Variants in WDR33 observed in about 807,000 individuals in gnomAD.
WDR33 encodes the protein pre-mRNA 3' end processing protein WDR33.
WDR33 carries 47 observed loss-of-function variants against 164.9 expected under a neutral mutation model. The ratio of observed to expected loss-of-function variants is 0.29; its 90% confidence interval spans 0.23 to 0.36. The LOEUF is 0.36. Ranked by LOEUF, WDR33 falls within the 10% of genes least tolerant of loss-of-function variation. The pLI, the probability that WDR33 is intolerant of heterozygous loss-of-function variation, is 1.00. For synonymous variants in WDR33, 505 were observed against 589.0 expected, an observed-to-expected ratio of 0.86 and a Z score of 2.06; for missense variants, 1,137 against 1,754.1, an observed-to-expected ratio of 0.65 and a Z score of 6.28.
Position 127,741,259 on chromosome 2 carries a change from T to C in WDR33, c.725-14482A>G, listed in dbSNP as rs1687006171. On this transcript the variant is annotated intron_variant, in intron 7 of 21. Transcript: ENST00000322313. This position sits in a 1 kb window ranked among gnomAD's most constrained non-coding sequence, Gnocchi z 4.1. ...TAAAGCAGCACAAAGTCTGCAGAAA[T>C]GCCACGGATGACACTGAAAATGGAA... Among the ~76,000 whole-genome samples, 1 of 151,790 alleles carries C rather than the reference T, an allele frequency of 6.6e-6. No homozygotes were observed. Among genetic ancestry groups the C allele is most frequent in the Non-Finnish European group, 1.5e-5 (1 of 68,004 alleles).
At chr2:127,737,442 T>C (rs963314549) in intron 7 of WDR33, 89 of 985,400 alleles carry the variant, frequency 9.0e-5, no homozygotes, top group Middle Eastern at 1.0e-3. Flanking sequence ...TATTCACAAT[T>C]CAGTAACAAT....
rs772365165 is a variant in WDR33, at chr2:127,764,542, C to T, written c.626+286G>A. ...CACAGTAGATAATAAAAAGGAATAA[C>T]GTATACACATTATTAATCATAAATG... On this transcript the variant is annotated intron_variant, in intron 6 of 21. Transcript: ENST00000322313. This position sits in a 1 kb window ranked among gnomAD's most constrained non-coding sequence, Gnocchi z 6.2. 9 of 1,543,572 alleles carry T rather than the reference C, an allele frequency of 5.8e-6. No homozygotes were observed. The highest frequency in any genetic ancestry group is 2.8e-5 in the African/African-American group (2 of 72,316).
chr2:127,745,889 G>A (rs895819640), intron 7 of WDR33, among the ~76,000 whole-genome samples: 28 of 152,056 alleles, frequency 1.8e-4, no homozygotes, highest in Non-Finnish European at 7.4e-5. Context: ...GCTGGGCATG[G>A]TGGCAAGCTC....
intron 7 of WDR33, among the ~76,000 whole-genome samples, chr2:127,727,946 G>A (rs1485739243): frequency 6.6e-6 from 1 of 152,206 alleles, no homozygotes; most frequent in African/African-American, 2.4e-5. Flanking sequence ...CCGTTCATAA[G>A]GGGAGACAAT....
chr2:127,750,740 GCATACATATATATGTATA>G (rs1158818703), intron 7 of WDR33, among the ~76,000 whole-genome samples: 6 of 38,962 alleles, frequency 1.5e-4, no homozygotes, highest in South Asian at 1.6e-3. Flanking sequence ...ATATATGTAT[GCATACATATATATGTATA>G]CATACATATA....
chr2:127,719,853 G>A lies in WDR33; in HGVS notation c.2172C>T (p.Gly724=). The A allele has an allele frequency of 6.2e-7, 1 of 1,613,402 alleles. No homozygotes were observed. ...QGHIGPQGPP[G]PQGHLGPQGP... is the part of the protein sequence containing the mutation. Reference sequence around the variant, plus strand: ...CCTGTGGGCCCAAGTGACCCTGAGGGCCAGGCGGGCCTTGGGGGCCTATGT... The same window carrying A: ...CCTGTGGGCCCAAGTGACCCTGAGGACCAGGCGGGCCTTGGGGGCCTATGT... Residue 724 remains glycine (G), a synonymous_variant, in exon 16 of 22, where the codon GGC becomes GGT. Coordinates refer to ENST00000322313, the MANE Select transcript of WDR33 (RefSeq NM_018383.5). This position sits in a 1 kb window ranked among gnomAD's most constrained non-coding sequence, Gnocchi z 6.5.
intron 3 of WDR33, 63 bp downstream of exon 3, chr2:127,768,870 G>T (rs1687904418): frequency 5.4e-6 from 7 of 1,295,194 alleles, no homozygotes; most frequent in Non-Finnish European, 6.6e-6. Flanking sequence ...GTCACACAGT[G>T]AAGGCTAAAA....
rs1686419032 is a variant in WDR33, at chr2:127,720,746, G to A, written c.1672-393C>T. Among the ~76,000 whole-genome samples, 1 of 152,236 alleles carries A rather than the reference G, an allele frequency of 6.6e-6. No homozygotes were observed. Among genetic ancestry groups the A allele is most frequent in the Non-Finnish European group, 1.5e-5 (1 of 68,018 alleles). ...CACCCAGCTAATTATTATTTGTAGA[G>A]ACAGGGTCTTGCTATATTGCCCAGG... On this transcript the variant is annotated intron_variant, in intron 15 of 21. Transcript: ENST00000322313. The surrounding 1 kb of genome is among the most constrained non-coding windows in gnomAD (Gnocchi z 5.9).
chr2:127,788,046 C>A (rs1338615734), intron 1 of WDR33, among the ~76,000 whole-genome samples: 1 of 81,830 alleles, frequency 1.2e-5, no homozygotes, highest in Non-Finnish European at 2.3e-5. Flanking sequence ...CCCTCCCGGA[C>A]GGGGCGGCTG....
rs528591015 is a variant in WDR33 at position 127,706,786 on chromosome 2, G to C, written c.3782-234C>G. Among the ~76,000 whole-genome samples the C allele has an allele frequency of 1.4e-3, 211 of 152,348 alleles. No homozygotes were observed. Among genetic ancestry groups the C allele is most frequent in the Admixed American group, 2.5e-3 (39 of 15,310 alleles). On this transcript the variant is annotated intron_variant, in intron 21 of 21. Coordinates refer to ENST00000322313, the MANE Select transcript of WDR33 (RefSeq NM_018383.5). The surrounding 1 kb of genome is among the most constrained non-coding windows in gnomAD (Gnocchi z 5.1). The stretch of plus-strand genomic sequence containing the variant: ...CATCAGCCAGATCCATGCCCCCAGG[G>C]CTGTGTGACAGACGACAGGAAGCCA...
rs1433098225 is a variant in WDR33 at position 127,764,453 on chromosome 2, G to C, written c.626+375C>G. 5 of 1,456,760 alleles carry C rather than the reference G, an allele frequency of 3.4e-6. No individual in the cohort carries two copies. Among genetic ancestry groups the C allele is most frequent in the Non-Finnish European group, 4.5e-6 (5 of 1,106,950 alleles). The allele number at this position is 1,456,760 out of a possible 1,614,324, so 90.2% of individuals were successfully genotyped here. A position where few individuals can be genotyped will look rare whatever the true frequency, so the allele number is the denominator to read the frequency against. ...CTGAAGTTGTTTTCTGTAGGCTTTA[G>C]ATTTTATTCAGTTGCATAATTAAAG... On this transcript the variant is annotated intron_variant, in intron 6 of 21. Transcript: ENST00000322313. This position sits in a 1 kb window ranked among gnomAD's most constrained non-coding sequence, Gnocchi z 6.2.
Position 127,768,379 on chromosome 2 carries a change from A to AT in WDR33, c.274-87dup, listed in dbSNP as rs578028149. The stretch of plus-strand genomic sequence containing the variant: ...AACACGGCAAGGTAATTATTTCAAC[A>AT]TTTAAAGACAAATTTGGGACCATAT... On this transcript the variant is annotated intron_variant, in intron 3 of 21. Transcript: ENST00000322313. The AT allele has an allele frequency of 1.4e-3, 1,051 of 726,516 alleles. 15 individuals carry two copies. The African/African-American group carries it at 0.017, about 12-fold the overall frequency. 45.0% of individuals were successfully genotyped at this position (726,516 alleles called of 1,614,324 possible).
intron 1 of WDR33, among the ~76,000 whole-genome samples, chr2:127,791,276 G>A (rs578040148): frequency 2.7e-5 from 4 of 148,856 alleles, no homozygotes; most frequent in East Asian, 4.0e-4. Context: ...CTCCCGCCTC[G>A]GCCTCCCAAA....
At chr2:127,768,847 T>C in intron 3 of WDR33, 86 bp downstream of exon 3, 16 of 922,706 alleles carry the variant, frequency 1.7e-5, no homozygotes, top group Non-Finnish European at 2.7e-5. Context: ...GAAAAGACCA[T>C]TTTGGACTTG....
In WDR33 at chr2:127,724,471, TG is replaced by T. The variant is rs773497199; in HGVS notation, c.1086-29del. 6 of 1,600,118 alleles carry T rather than the reference TG, an allele frequency of 3.7e-6. No homozygotes were observed. Among genetic ancestry groups the T allele is most frequent in the Non-Finnish European group, 5.1e-6 (6 of 1,169,506 alleles). On this transcript the variant is annotated intron_variant, in intron 10 of 21. Transcript: ENST00000322313. The surrounding 1 kb of genome is among the most constrained non-coding windows in gnomAD (Gnocchi z 4.8). Reference sequence around the variant, plus strand: ...GCAACAGCACCAAAGAGAGAAGATTTGTTCACAAAAGTTACCCAGCTTCTCC... The same window carrying T: ...GCAACAGCACCAAAGAGAGAAGATTTTTCACAAAAGTTACCCAGCTTCTCC...
Position 127,701,274 on chromosome 2 carries a change from A to C in WDR33, c.*5049T>G. 1 of 322,342 alleles carries C rather than the reference A, an allele frequency of 3.1e-6. No homozygotes were observed. The highest frequency in any genetic ancestry group is 1.5e-4 in the South Asian group (1 of 6,460). The allele number at this position is 322,342 out of a possible 1,614,324, so 20.0% of individuals were successfully genotyped here. A position where few individuals can be genotyped will look rare whatever the true frequency, so the allele number is the denominator to read the frequency against. Reference sequence around the variant, plus strand: ...TGCTGGCAGGACTTAGCCAGACCGCAAGGGCGCCTACTCCGAACAAGGAAG... The same window carrying C: ...TGCTGGCAGGACTTAGCCAGACCGCCAGGGCGCCTACTCCGAACAAGGAAG... On this transcript the variant is annotated 3_prime_UTR_variant, in exon 22 of 22. Transcript: ENST00000322313.
chr2:127,780,762 A>T (rs1688343723), intron 1 of WDR33, among the ~76,000 whole-genome samples: 1 of 152,206 alleles, frequency 6.6e-6, no homozygotes, highest in South Asian at 2.1e-4. Context: ...CCTTGAGCCC[A>T]GGAGTTTGAG....
chr2:127,739,122 C>T (rs954057376), intron 7 of WDR33, among the ~76,000 whole-genome samples: 1 of 152,308 alleles, frequency 6.6e-6, no homozygotes, highest in East Asian at 1.9e-4. Context: ...ATACCAGTAT[C>T]TACTCGTGAA....
chr2:127,737,556 A>T (rs1004212969), intron 7 of WDR33: 1 of 986,916 alleles, frequency 1.0e-6, no homozygotes, highest in Non-Finnish European at 1.2e-6. Context: ...GTCTGGCACT[A>T]AATACCAAGA....
Sources: allele counts gnomAD v4.1 joint callset (sites outside exome capture counted in the v4.1 genomes callset), GRCh38; gene constraint gnomAD v4.1.1; non-coding constraint Gnocchi (gnomAD v3.1); transcripts MANE v1.5; gene names NCBI Gene and HGNC (gene_info 2026-07-23, HGNC 2026-07-21).